The following DRAXIN variants were observed in gnomAD, a reference collection of about 807,000 sequenced individuals.
DRAXIN encodes the protein dorsal repulsive axon guidance protein.
A neutral mutation model predicts 33.9 loss-of-function variants in DRAXIN; 27 were observed. The ratio of observed to expected loss-of-function variants is 0.80; its 90% CI spans 0.59 to 1.10. DRAXIN has a LOEUF of 1.10. Among genes scored for constraint, DRAXIN ranks in the 50% least tolerant of loss-of-function variants. DRAXIN has a pLI of 0.00. For missense variants in DRAXIN, 371 were observed against 460.8 expected (o/e 0.81, Z 1.78); for synonymous variants, 178 against 194.0 (o/e 0.92, Z 0.69).
chr1:11,714,199 T>A (rs756176224), intron 5 of DRAXIN, among the ~76,000 whole-genome samples: 1 of 151,664 alleles, frequency 6.6e-6, no homozygotes, highest in Non-Finnish European at 1.5e-5. Context: ...AGCAAGACCC[T>A]GTCTCAACAA....
At chr1:11,688,285 C>T (rs1325938245), upstream of DRAXIN, among the ~76,000 whole-genome samples, 1 of 152,218 alleles carries the variant, frequency 6.6e-6, no homozygotes, top group Middle Eastern at 3.2e-3. This position sits in a 1 kb window ranked among gnomAD's most constrained non-coding sequence, Gnocchi z 4.6. Flanking sequence ...CGTGGCCGGG[C>T]ACGGTGGCTC....
rs4845874 is a variant in DRAXIN at position 11,723,394 on chromosome 1, T to A, written c.*3698T>A. On this transcript the variant is annotated 3_prime_UTR_variant, in exon 7 of 7. Transcript: ENST00000294485. Reference sequence around the variant, plus strand: ...TCTCCCAGGTAACTTCAGGTGCAGCTGGGGCGGAGAGTCTCTGCTCTCCCC... The same window carrying A: ...TCTCCCAGGTAACTTCAGGTGCAGCAGGGGCGGAGAGTCTCTGCTCTCCCC... 70,773 of 151,960 alleles carry A rather than the reference T, an allele frequency of 0.47. 16,738 individuals are homozygous for A. Among genetic ancestry groups the A allele is most frequent in the East Asian group, 0.64 (3,280 of 5,150 alleles). 9.4% of individuals were successfully genotyped at this position (151,960 alleles called of 1,614,324 possible).
chr1:11,719,003 T>G (rs1641620315), intron 6 of DRAXIN, among the ~76,000 whole-genome samples: 1 of 152,080 alleles, frequency 6.6e-6, no homozygotes, highest in Non-Finnish European at 1.5e-5. Context: ...CGGGTTCATG[T>G]GATTCTCCTG....
intron 6 of DRAXIN, among the ~76,000 whole-genome samples, chr1:11,717,864 GCA>G (rs1420707252): frequency 6.7e-6 from 1 of 149,858 alleles, no homozygotes; most frequent in East Asian, 2.0e-4. Context: ...GTGTGGTGGC[GCA>G]CACCCATAGT....
At position 11,706,661 on chromosome 1, in the gene DRAXIN, C is replaced by A. The variant is rs373660132; in HGVS notation, c.403C>A (p.Arg135Ser). Residue 135 changes from arginine to serine, a missense_variant, in exon 2 of 7, where the codon CGC becomes AGC. Coordinates refer to ENST00000294485, the MANE Select transcript of DRAXIN (RefSeq NM_198545.4). The surrounding 1 kb of genome is among the most constrained non-coding windows in gnomAD (Gnocchi z 5.5). ...TCCAGGTTGGGAGAGGACCAGGAAACGCAGCAGGGAGCACAAGAGACGCAG... is the reference window on the plus strand; with the variant it reads ...TCCAGGTTGGGAGAGGACCAGGAAAAGCAGCAGGGAGCACAAGAGACGCAG... ...RPPGWERTRK[R>S]SREHKRRRDR... The A allele has an allele frequency of 9.4e-6, 15 of 1,597,670 alleles. No individual in the cohort carries two copies. Among genetic ancestry groups the A allele is most frequent in the African/African-American group, 1.3e-5 (1 of 74,754 alleles).
upstream of DRAXIN, among the ~76,000 whole-genome samples, chr1:11,687,913 T>A (rs536200788): frequency 3.6e-4 from 55 of 152,304 alleles, no homozygotes; most frequent in African/African-American, 1.3e-3. The surrounding 1 kb of genome is among the most constrained non-coding windows in gnomAD (Gnocchi z 4.1). Context: ...GTACCTCATT[T>A]TACAGACAAG....
intron 1 of DRAXIN, among the ~76,000 whole-genome samples, chr1:11,698,324 T>C (rs184453474): frequency 6.6e-6 from 1 of 152,258 alleles, no homozygotes; most frequent in Admixed American, 6.5e-5. Flanking sequence ...AATTACCCAC[T>C]TTCCAGCCCT....
At chr1:11,717,545 C>G (rs1232922298) in intron 6 of DRAXIN, among the ~76,000 whole-genome samples, 5 of 151,150 alleles carry the variant, frequency 3.3e-5, no homozygotes, top group African/African-American at 1.2e-4. Context: ...ACCTGTAATC[C>G]CAGCTACTCA....
rs117761108 is a variant in DRAXIN at position 11,704,947 on chromosome 1, G to A, written c.-10-1302G>A. On this transcript the variant is annotated intron_variant, in intron 1 of 6. Transcript: ENST00000294485. This position sits in a 1 kb window ranked among gnomAD's most constrained non-coding sequence, Gnocchi z 4.6. ...AAGGTGTTTCCCCCCTCCCCTCCAC[G>A]AGTGCGTGGTCAGAGCTTCGAGGGC... Among the ~76,000 whole-genome samples the A allele has an allele frequency of 5.7e-3, 869 of 152,232 alleles. 12 individuals are homozygous for A. The highest frequency in any genetic ancestry group is 0.038 in the East Asian group (195 of 5,164).
intron 4 of DRAXIN, 78 bp downstream of exon 4, chr1:11,712,043 G>A: frequency 2.2e-6 from 3 of 1,371,158 alleles, no homozygotes; most frequent in African/African-American, 1.4e-5. Context: ...GGGGGCCCCA[G>A]TGAGCCCTGT....
At chr1:11,688,993 G>A (rs1157665383), upstream of DRAXIN, among the ~76,000 whole-genome samples, 1 of 152,020 alleles carries the variant, frequency 6.6e-6, no homozygotes, top group South Asian at 2.1e-4. This position sits in a 1 kb window ranked among gnomAD's most constrained non-coding sequence, Gnocchi z 4.6. Flanking sequence ...TACCCTATAT[G>A]GTCTAAAAAG....
Position 11,706,553 on chromosome 1 carries a change from G to A in DRAXIN, c.295G>A (p.Glu99Lys). Residue 99 changes from glutamate (E) to lysine (K), a missense_variant, in exon 2 of 7, where the codon GAG becomes AAG. Glu to Lys is a moderately conservative substitution (Grantham distance 56). Transcript: ENST00000294485. The surrounding 1 kb of genome is among the most constrained non-coding windows in gnomAD (Gnocchi z 5.5). ...GCCAGAGGCTGAGGGGCTGCTGCCT[G>A]AGCAGAGTCCTGCAGGCCTGCTGCA... ...RLPEAEGLLPEQSPAGLLQDK... is the reference protein window; with the variant it reads ...RLPEAEGLLPKQSPAGLLQDK... The A allele has an allele frequency of 6.2e-7, 1 of 1,610,974 alleles. No homozygotes were observed. The highest frequency in any genetic ancestry group is 8.5e-7 in the Non-Finnish European group (1 of 1,179,232).
chr1:11,706,449 A>G lies in DRAXIN; in HGVS notation c.191A>G (p.Lys64Arg), dbSNP rs753874169. 6.2e-7 allele frequency: 1 copy of G among 1,611,204 alleles called. No individual in the cohort carries two copies. Among genetic ancestry groups the G allele is most frequent in the African/African-American group, 1.3e-5 (1 of 74,874 alleles). ...CACCACCGCCGGCGGGGCCCGGGCA[A>G]GAAGGAGTGGGGCCCAGGCCTGCCC... ...ASHHRRRGPG[K>R]KEWGPGLPSQ... Residue 64 changes from lysine (K) to arginine (R), a missense_variant, in exon 2 of 7, where the codon AAG becomes AGG. Coordinates refer to ENST00000294485, the MANE Select transcript of DRAXIN (RefSeq NM_198545.4). The surrounding 1 kb of genome is among the most constrained non-coding windows in gnomAD (Gnocchi z 5.5).
rs112841098 is a variant in DRAXIN, at chr1:11,715,214, T to A, written c.937+6T>A. On this transcript the variant is annotated splice_donor_region_variant and intron_variant, in intron 6 of 6. Coordinates refer to ENST00000294485, the MANE Select transcript of DRAXIN (RefSeq NM_198545.4). ...TGACTGCATGTGTGTGGAAGGTGGG[T>A]CCAGACTCCTTTGCGGGGGGCTACC... 4,608 of 1,614,116 alleles carry A rather than the reference T, an allele frequency of 2.9e-3. 44 individuals carry two copies. The highest frequency in any genetic ancestry group is 8.9e-3 in the Middle Eastern group (54 of 6,062).
rs1641374898 is a variant in DRAXIN, at chr1:11,706,123, C to A, written c.-10-126C>A. 2 of 953,942 alleles carry A rather than the reference C, an allele frequency of 2.1e-6. No individual in the cohort carries two copies. The highest frequency in any genetic ancestry group is 3.0e-6 in the Non-Finnish European group (2 of 665,264). 59.1% of individuals were successfully genotyped at this position (953,942 alleles called of 1,614,324 possible). A position where few individuals can be genotyped will look rare whatever the true frequency, so the allele number is the denominator to read the frequency against. ...AACTAAAATATGTCTTCGGGCATTGCCAAATGTCACTGGGAGCAAAATGTC... is the reference window on the plus strand; with the variant it reads ...AACTAAAATATGTCTTCGGGCATTGACAAATGTCACTGGGAGCAAAATGTC... On this transcript the variant is annotated intron_variant, in intron 1 of 6. Coordinates refer to ENST00000294485, the MANE Select transcript of DRAXIN (RefSeq NM_198545.4). The surrounding 1 kb of genome is among the most constrained non-coding windows in gnomAD (Gnocchi z 5.5).
chr1:11,691,288 C>T (rs1454976663), upstream of DRAXIN: 1 of 152,280 alleles, frequency 6.6e-6, no homozygotes. Flanking sequence ...TTGGGGTCCA[C>T]CGAGGACCGC....
intron 1 of DRAXIN, among the ~76,000 whole-genome samples, chr1:11,703,943 A>T (rs1458557991): frequency 6.6e-6 from 1 of 152,134 alleles, no homozygotes; most frequent in Non-Finnish European, 1.5e-5. Context: ...GTGGGAGTTC[A>T]TCTCCTGGCT....
chr1:11,712,195 AG>A, intron 4 of DRAXIN, 144 bp from the exon 5 acceptor site: 1 of 993,980 alleles, frequency 1.0e-6, no homozygotes, highest in Non-Finnish European at 1.6e-6. Context: ...TGTTACCCTG[AG>A]GGAAAATACC....
rs1051855810 is a variant in DRAXIN, at chr1:11,723,627, T to C, written c.*3931T>C. The C allele has an allele frequency of 1.3e-5, 2 of 151,876 alleles. No individual in the cohort carries two copies. Among genetic ancestry groups the C allele is most frequent in the African/African-American group, 2.4e-5 (1 of 41,294 alleles). 9.4% of individuals were successfully genotyped at this position (151,876 alleles called of 1,614,324 possible). A position where few individuals can be genotyped will look rare whatever the true frequency, so the allele number is the denominator to read the frequency against. On this transcript the variant is annotated 3_prime_UTR_variant, in exon 7 of 7. Coordinates refer to ENST00000294485, the MANE Select transcript of DRAXIN (RefSeq NM_198545.4). ...TTTCTTTTGAGACAGAGTTTCACTCTTGTTGCCCAGGCTGGAGTGCAGTGG... is the reference window on the plus strand; with the variant it reads ...TTTCTTTTGAGACAGAGTTTCACTCCTGTTGCCCAGGCTGGAGTGCAGTGG...
Sources: allele counts gnomAD v4.1 joint callset (sites outside exome capture counted in the v4.1 genomes callset), GRCh38; gene constraint gnomAD v4.1.1; non-coding constraint Gnocchi (gnomAD v3.1); transcripts MANE v1.5; gene names NCBI Gene and HGNC (gene_info 2026-07-23, HGNC 2026-07-21).